NLRP9: variants seen among roughly 807,000 people sequenced by gnomAD.
NLRP9 encodes NLR family pyrin domain containing 9, also known as NACHT, LRR and PYD domains-containing protein 9.
A neutral mutation model predicts 83.1 loss-of-function variants in NLRP9; 88 were observed. The observed-to-expected ratio is 1.06, with a 90% CI of 0.89 to 1.26. The LOEUF is 1.26. NLRP9 is among the 50% of genes most tolerant of loss of function. NLRP9 has a pLI of 0.00. For missense variants in NLRP9, 1,308 were observed against 1,179.3 expected (o/e 1.11, Z -1.60); for synonymous variants, 521 against 447.6 (o/e 1.16, Z -2.07).
chr19:55,732,571 T>A lies in NLRP9; in HGVS notation c.1260A>T (p.Leu420Phe), dbSNP rs543041441. The A allele has an allele frequency of 1.2e-5, 19 of 1,614,248 alleles. No homozygotes were observed. In the East Asian group the frequency reaches 2.9e-4, roughly 25 times the overall value. Residue 420 changes from leucine (L) to phenylalanine (F), a missense_variant, in exon 2 of 9, where the codon TTA (leucine) becomes TTT (phenylalanine). Coordinates refer to ENST00000332836, the MANE Select transcript of NLRP9 (RefSeq NM_176820.4). Reference sequence around the variant, plus strand: ...CCCACATCACGCCCTCAGACTCAGATAACCCATTCCTCCGGAGATCCCCAT... The same window carrying A: ...CCCACATCACGCCCTCAGACTCAGAAAACCCATTCCTCCGGAGATCCCCAT... ...FSHGDLRRNG[L>F]SESEGVMWVG... is the part of the protein sequence containing the mutation.
At position 55,738,194 on chromosome 19, in the gene NLRP9, T is replaced by C; in HGVS notation, c.181A>G (p.Lys61Glu). The part of the protein sequence containing the change: ...SKEDVAKLLD[K>E]HYPGKQAWEV... The stretch of plus-strand genomic sequence containing the variant: ...CATGCCTGCTTTCCTGGGTAATGTT[T>C]GTCCAGCAGCTTTGCTACATCTTCT... The change falls in exon 1 of 9, where the codon AAA becomes GAA. Residue 61 changes from lysine (K) to glutamate (E), a missense_variant. Transcript: ENST00000332836. 6.2e-7 allele frequency: 1 copy of C among 1,614,160 alleles called. No individual in the cohort carries two copies. The highest frequency in any genetic ancestry group is 8.5e-7 in the Non-Finnish European group (1 of 1,180,022).
At chr19:55,722,240 G>A (rs1306301416) in intron 4 of NLRP9, among the ~76,000 whole-genome samples, 1 of 152,172 alleles carries the variant, frequency 6.6e-6, no homozygotes, top group Non-Finnish European at 1.5e-5. Context: ...TTGTAGATAT[G>A]TTCCCCAATC....
intron 2 of NLRP9, among the ~76,000 whole-genome samples, chr19:55,731,186 T>C (rs1240842558): frequency 6.6e-6 from 1 of 151,964 alleles, no homozygotes; most frequent in Non-Finnish European, 1.5e-5. Flanking sequence ...GCTGGTAACC[T>C]GAACCCGATG....
intron 1 of NLRP9, among the ~76,000 whole-genome samples, chr19:55,733,836 C>T (rs1040197610): frequency 6.6e-6 from 1 of 151,890 alleles, no homozygotes; most frequent in African/African-American, 2.4e-5. Context: ...GGATGTGGAT[C>T]TCCACAATCC....
At chr19:55,725,662 G>A (rs964658049) in intron 3 of NLRP9, among the ~76,000 whole-genome samples, 1 of 152,140 alleles carries the variant, frequency 6.6e-6, no homozygotes, top group Admixed American at 6.5e-5. Flanking sequence ...GCGGTGAGGT[G>A]TACAGGGATC....
At chr19:55,736,910 C>T (rs1451316408) in intron 1 of NLRP9, among the ~76,000 whole-genome samples, 4 of 151,414 alleles carry the variant, frequency 2.6e-5, no homozygotes. Context: ...AAAATACCCT[C>T]AAGCATGTGG....
intron 4 of NLRP9, among the ~76,000 whole-genome samples, chr19:55,718,112 T>G (rs967516594): frequency 1.3e-5 from 2 of 152,194 alleles, no homozygotes; most frequent in Non-Finnish European, 2.9e-5. Context: ...GTTAACCATA[T>G]GTTTGCAGGC....
chr19:55,721,984 T>A (rs1296554650), intron 4 of NLRP9, among the ~76,000 whole-genome samples: 2 of 152,180 alleles, frequency 1.3e-5, no homozygotes, highest in Non-Finnish European at 2.9e-5. Context: ...ATCAGCAGTG[T>A]GAAAACGGAC....
At chr19:55,718,731 C>T (rs1029386389) in intron 4 of NLRP9, among the ~76,000 whole-genome samples, 2 of 152,240 alleles carry the variant, frequency 1.3e-5, no homozygotes, top group African/African-American at 4.8e-5. Flanking sequence ...AACTCAGAGA[C>T]CAGCGCCAGT....
At chr19:55,715,878 G>A (rs189069188) in intron 5 of NLRP9, among the ~76,000 whole-genome samples, 185 of 152,220 alleles carry the variant, frequency 1.2e-3, no homozygotes, top group Non-Finnish European at 1.7e-3. Context: ...TGTACTGGAC[G>A]ATATCCCATG....
chr19:55,731,499 G>A (rs1364348884), intron 2 of NLRP9, among the ~76,000 whole-genome samples: 1 of 152,034 alleles, frequency 6.6e-6, no homozygotes, highest in African/African-American at 2.4e-5. Context: ...CGAGATGGGT[G>A]GATCACCTGA....
At chr19:55,723,950 C>G (rs770545375) in intron 4 of NLRP9, 30 bp downstream of exon 4, 4 of 1,575,176 alleles carry the variant, frequency 2.5e-6, no homozygotes. Flanking sequence ...TGGAAAGAAA[C>G]AGCACTCGGC....
intron 4 of NLRP9, among the ~76,000 whole-genome samples, chr19:55,722,840 C>A (rs1568598687): frequency 1.3e-5 from 2 of 152,126 alleles, no homozygotes; most frequent in Non-Finnish European, 2.9e-5. Flanking sequence ...AGTTCATGTT[C>A]TTTGCAGGGA....
rs370238359 is a variant in NLRP9 at position 55,732,721 on chromosome 19, G to C, written c.1110C>G (p.Ser370=). The C allele has an allele frequency of 1.1e-5, 17 of 1,614,068 alleles. No homozygotes were observed. The African/African-American group carries it at 1.7e-4, about 16-fold the overall frequency. ...CTGCTTTGAATACAGTTGTTAAAAA[G>C]GATGCATATAAATAGGTGGTGTTTT... ...NSQNTTYLYA[S]FLTTVFKAGS... Residue 370 remains serine (S), a synonymous_variant, in exon 2 of 9, where the codon TCC becomes TCG. Coordinates refer to ENST00000332836, the MANE Select transcript of NLRP9 (RefSeq NM_176820.4).
In NLRP9 at chr19:55,715,088, A is replaced by G; in HGVS notation, c.2468T>C (p.Leu823Pro). 6.2e-7 allele frequency: 1 copy of G among 1,612,668 alleles called. No individual in the cohort carries two copies. Among genetic ancestry groups the G allele is most frequent in the South Asian group, 1.1e-5 (1 of 90,982 alleles). Residue 823 changes from leucine to proline, a missense_variant, in exon 6 of 9, where the codon CTG becomes CCG. Physicochemically the swap from Leu to Pro is moderately conservative, Grantham distance 98 (BLOSUM62 -3). Coordinates refer to ENST00000332836, the MANE Select transcript of NLRP9 (RefSeq NM_176820.4). ...DNGVASLCAA[L>P]KHPGCSIREL... ...CCGTATGCTGCAGCCTGGGTGCTTC[A>G]GCGCTGCACACAGAGATGCCACTCC...
intron 5 of NLRP9, 61 bp downstream of exon 5, chr19:55,716,667 T>C (rs1426776378): frequency 7.1e-7 from 1 of 1,409,256 alleles, no homozygotes; most frequent in East Asian, 2.3e-5. Context: ...GCTTTGATAA[T>C]GGGTGGATCC....
Position 55,733,252 on chromosome 19 carries a change from G to A in NLRP9, c.579C>T (p.Ile193=). The A allele has an allele frequency of 1.2e-6, 2 of 1,613,942 alleles. No homozygotes were observed. Among genetic ancestry groups the A allele is most frequent in the African/African-American group, 1.3e-5 (1 of 75,030 alleles). Reference sequence around the variant, plus strand: ...GGAGCTCCAGTAAGCTGGTCTCTGCGATACCGTTCATTTCACAGACATTGA... The same window carrying A: ...GGAGCTCCAGTAAGCTGGTCTCTGCAATACCGTTCATTTCACAGACATTGA... The part of the protein sequence containing the change: ...FFLNVCEMNG[I]AETSLLELLS... Residue 193 remains isoleucine, a synonymous_variant, in exon 2 of 9, where the codon ATC becomes ATT. Transcript: ENST00000332836.
chr19:55,729,841 G>T lies in NLRP9; in HGVS notation c.1984C>A (p.Arg662=). 6.2e-7 allele frequency: 1 copy of T among 1,611,330 alleles called. No individual in the cohort carries two copies. The highest frequency in any genetic ancestry group is 8.5e-7 in the Non-Finnish European group (1 of 1,178,962). Residue 662 remains arginine, a synonymous_variant, in exon 3 of 9, where the codon CGA becomes AGA. Transcript: ENST00000332836. ...TAACATAAAACTTACATGAGTTTTCGGAGTTTACAAACAGGCTGAGCCAGC... is the reference window on the plus strand; with the variant it reads ...TAACATAAAACTTACATGAGTTTTCTGAGTTTACAAACAGGCTGAGCCAGC... ...KALAQPVCKL[R]KLIFTSVYFG...
intron 3 of NLRP9, among the ~76,000 whole-genome samples, chr19:55,725,895 G>A (rs371566223): frequency 1.3e-5 from 2 of 152,032 alleles, no homozygotes; most frequent in East Asian, 1.9e-4. Flanking sequence ...GCGTGGTGGC[G>A]GGCACCTGTA....
Sources: gnomAD v4.1 joint callset for allele counts (sites outside exome capture counted in the v4.1 genomes callset) on GRCh38, gnomAD v4.1.1 for gene constraint, MANE v1.5 for transcripts, NCBI Gene and HGNC (gene_info 2026-07-23, HGNC 2026-07-21) for gene names.